Variants in TDRD12 observed in about 807,000 individuals in gnomAD.
The protein encoded by TDRD12 is putative ATP-dependent RNA helicase TDRD12.
In TDRD12, 158 loss-of-function variants were observed where a neutral mutation model predicts 133.5. The ratio of observed to expected loss-of-function variants is 1.18; its 90% CI spans 1.04 to 1.35. The LOEUF is 1.35. Ranked by LOEUF, TDRD12 falls within the 40% of genes most tolerant of loss-of-function variation. The probability of loss-of-function intolerance (pLI) is 0.00; values close to 1 mark genes in which losing one functional copy is unlikely to be tolerated. For synonymous variants in TDRD12, 460 were observed against 477.9 expected (o/e 0.96, Z 0.49); for missense variants, 1,443 against 1,321.3 (o/e 1.09, Z -1.43).
At chr19:32,814,327 GCTCCACTC>G (rs1290513156) in intron 25 of TDRD12, among the ~76,000 whole-genome samples, 2 of 152,158 alleles carry the variant, frequency 1.3e-5, no homozygotes, top group Non-Finnish European at 2.9e-5. Flanking sequence ...TTCCCCAAGA[GCTCCACTC>G]CTCCACTCAA....
chr19:32,749,864 GA>G lies in TDRD12; in HGVS notation c.582del (p.Val195PhefsTer27). On this transcript the variant is annotated frameshift_variant, in exon 6 of 28. Coordinates refer to ENST00000444215, the Ensembl canonical transcript of TDRD12. LOFTEE classifies it high-confidence loss of function. Reference sequence around the variant, plus strand: ...TTACCTTTATGTAACTATAAAAGATGAAAAAGTAAGTGAAAGAATTGTATTT... The same window carrying G: ...TTACCTTTATGTAACTATAAAAGATGAAAAGTAAGTGAAAGAATTGTATTT... 10 of 1,521,958 alleles carry G rather than the reference GA, an allele frequency of 6.6e-6. No homozygotes were observed. Among genetic ancestry groups the G allele is most frequent in the Non-Finnish European group, 8.9e-6 (10 of 1,127,240 alleles). 94.3% of individuals were successfully genotyped at this position (1,521,958 alleles called of 1,614,324 possible).
At chr19:32,804,074 A>G (rs960036710) in intron 21 of TDRD12, among the ~76,000 whole-genome samples, 1 of 151,498 alleles carries the variant, frequency 6.6e-6, no homozygotes, top group African/African-American at 2.4e-5. Context: ...ATTTTGATGA[A>G]GTTTTTTTTG....
At chr19:32,802,188 G>GTGA (rs1219605563) in intron 19 of TDRD12, among the ~76,000 whole-genome samples, 1 of 140,906 alleles carries the variant, frequency 7.1e-6, no homozygotes, top group African/African-American at 2.7e-5. Context: ...ATATATGATA[G>GTGA]TGATATATAT....
exon 10 of TDRD12, chr19:32,828,880 C>G (rs1213693061): frequency 6.6e-6 from 1 of 152,266 alleles, no homozygotes; most frequent in Non-Finnish European, 1.5e-5. Context: ...CTGGCCTCCC[C>G]TGGGAGGACA....
At chr19:32,803,855 T>G (rs1193029849) in intron 21 of TDRD12, among the ~76,000 whole-genome samples, 1 of 152,138 alleles carries the variant, frequency 6.6e-6, no homozygotes, top group Non-Finnish European at 1.5e-5. Context: ...CAGTTGGCCA[T>G]CCTCTTTTTG....
At chr19:32,800,748 A>G (rs771832518) in exon 18 of TDRD12, 1 of 1,535,166 alleles carries the variant, frequency 6.5e-7, no homozygotes, top group Non-Finnish European at 8.7e-7. Context: ...CCTGCTCTGT[A>G]GCTGAAACAG....
At chr19:32,741,462 T>C (rs1969423655) in intron 3 of TDRD12, among the ~76,000 whole-genome samples, 1 of 152,196 alleles carries the variant, frequency 6.6e-6, no homozygotes, top group African/African-American at 2.4e-5. Flanking sequence ...ACTGTAAGAG[T>C]AGGTGCCATT....
At chr19:32,755,951 ATATT>A in intron 6 of TDRD12, 37 bp from the exon 7 acceptor site, 1 of 1,351,410 alleles carries the variant, frequency 7.4e-7, no homozygotes, top group Non-Finnish European at 9.7e-7. Context: ...TCGCTTGACT[ATATT>A]TGTCTTATTA....
chr19:32,796,192 CA>C, intron 14 of TDRD12: 1 of 985,244 alleles, frequency 1.0e-6, no homozygotes, highest in Non-Finnish European at 1.2e-6. Flanking sequence ...GACGGGGCTC[CA>C]CCAGTGAAAA....
At chr19:32,822,599 T>A (rs1359432935), downstream of TDRD12, among the ~76,000 whole-genome samples, 1 of 151,570 alleles carries the variant, frequency 6.6e-6, no homozygotes, top group East Asian at 1.9e-4. Context: ...TACAAAAAAT[T>A]AGCCAGGCGT....
chr19:32,804,996 T>C (rs769536956), intron 21 of TDRD12, among the ~76,000 whole-genome samples: 3 of 151,746 alleles, frequency 2.0e-5, no homozygotes, highest in Non-Finnish European at 4.4e-5. Context: ...ATAATTCATA[T>C]TAAATTAGTT....
At chr19:32,763,039 A>G (rs1048252185) in intron 8 of TDRD12, among the ~76,000 whole-genome samples, 3 of 152,214 alleles carry the variant, frequency 2.0e-5, no homozygotes, top group Admixed American at 6.5e-5. Flanking sequence ...TGATTATGCT[A>G]TGATGTTGCT....
At chr19:32,826,620 G>A (rs1967598929) in intron 9 of TDRD12, 22 bp downstream of exon 31, 4 of 1,235,948 alleles carry the variant, frequency 3.2e-6, no homozygotes, top group Admixed American at 4.1e-5. Context: ...TGCACTCAGC[G>A]GGTGGTCTTT....
In TDRD12 at chr19:32,810,396, C is replaced by T. The variant is rs572558339; in HGVS notation, c.2837+119C>T. On this transcript the variant is annotated intron_variant, in intron 23 of 27. Coordinates refer to ENST00000444215, the Ensembl canonical transcript of TDRD12. The stretch of plus-strand genomic sequence containing the variant: ...AGTGTGTATGTGAGCCTGGTGACAG[C>T]GGGGTGTCCCCCCAGATGCCTGCTC... The T allele has an allele frequency of 6.2e-6, 5 of 807,556 alleles. No homozygotes were observed. In the South Asian group the frequency reaches 9.4e-5, roughly 15 times the overall value. The allele number at this position is 807,556 out of a possible 1,614,324, so 50.0% of individuals were successfully genotyped here. A position where few individuals can be genotyped will look rare whatever the true frequency, so the allele number is the denominator to read the frequency against.
Position 32,789,047 on chromosome 19 carries a change from C to G in TDRD12, c.1122-1484C>G, listed in dbSNP as rs904734239. 2.2e-4 allele frequency among the ~76,000 whole-genome samples: 33 copies of G among 152,170 alleles called. 1 individual carries two copies. Among genetic ancestry groups the G allele is most frequent in the African/African-American group, 6.3e-4 (26 of 41,444 alleles). On this transcript the variant is annotated intron_variant, in intron 11 of 27. Coordinates refer to ENST00000444215, the Ensembl canonical transcript of TDRD12. ...CTTTATCCTCTCCAGAGAATCAGCC[C>G]CTGGCCTTCCTCGGGTTGGGGTGAG...
At chr19:32,823,937 G>A (rs1203425957), downstream of TDRD12, among the ~76,000 whole-genome samples, 2 of 152,324 alleles carry the variant, frequency 1.3e-5, no homozygotes, top group African/African-American at 4.8e-5. Context: ...GGGACGTCAG[G>A]GCAGCCAGGT....
At chr19:32,823,419 G>T (rs887971089), downstream of TDRD12, among the ~76,000 whole-genome samples, 6 of 152,082 alleles carry the variant, frequency 3.9e-5, no homozygotes, top group African/African-American at 1.4e-4. Flanking sequence ...AAGGATGGGG[G>T]TCATCTGGAA....
At chr19:32,740,534 GCTCTCTGCATCTCCTGGGGTT>G (rs1363040266) in intron 3 of TDRD12, among the ~76,000 whole-genome samples, 3 of 150,584 alleles carry the variant, frequency 2.0e-5, no homozygotes, top group African/African-American at 7.3e-5. Flanking sequence ...TTTCCTGGCT[GCTCTCTGCATCTCCTGGGGTT>G]CTCTCTGCAT....
intron 1 of TDRD12, among the ~76,000 whole-genome samples, chr19:32,726,621 T>G (rs2145417468): frequency 6.6e-6 from 1 of 152,162 alleles, no homozygotes; most frequent in Non-Finnish European, 1.5e-5. Context: ...TGCAGTGATG[T>G]GAACGTGAGG....
Sources: allele counts gnomAD v4.1 joint callset (sites outside exome capture counted in the v4.1 genomes callset), GRCh38; gene constraint gnomAD v4.1.1; transcripts MANE v1.5; gene names NCBI Gene and HGNC (gene_info 2026-07-23, HGNC 2026-07-21).